The following IL1RAPL1 variants were observed in gnomAD, a reference collection of about 807,000 sequenced individuals.
IL1RAPL1 encodes the protein interleukin 1 receptor accessory protein like 1.
Under a neutral mutation model 48.4 loss-of-function variants are expected in IL1RAPL1, and 3 were observed. The ratio of observed to expected loss-of-function variants is 0.06; its 90% CI spans 0.03 to 0.16. The LOEUF (loss-of-function observed/expected upper bound fraction) is 0.16, where lower values mean the gene tolerates loss of function less well. Among genes scored for constraint, IL1RAPL1 ranks in the 10% least tolerant of loss-of-function variants. The pLI, the probability that IL1RAPL1 is intolerant of heterozygous loss-of-function variation, is 1.00. For missense variants in IL1RAPL1, 349 were observed against 530.6 expected (o/e 0.66, Z 3.36); for synonymous variants, 185 against 187.7 (o/e 0.99, Z 0.12).
intron 5 of IL1RAPL1, among the ~76,000 whole-genome samples, chrX:29,559,019 G>A (rs758262335): frequency 2.7e-5 from 3 of 111,984 alleles, no homozygotes; most frequent in East Asian, 5.6e-4. Context: ...AAAGTCCTTT[G>A]TAGTTACATA....
intron 5 of IL1RAPL1, among the ~76,000 whole-genome samples, chrX:29,655,705 G>A (rs916076361): frequency 6.9e-5 from 7 of 101,170 alleles, no homozygotes; most frequent in African/African-American, 2.2e-4. Flanking sequence ...AATATTTGAA[G>A]TATGTGACCA....
chrX:29,932,102 C>G, intron 8 of IL1RAPL1, among the ~76,000 whole-genome samples: 1 of 112,181 alleles, frequency 8.9e-6, no homozygotes, highest in South Asian at 3.7e-4. Context: ...TCTGTCTTCT[C>G]CCCATCATAC....
At chrX:29,260,584 T>C (rs1931837096) in intron 2 of IL1RAPL1, among the ~76,000 whole-genome samples, 1 of 111,583 alleles carries the variant, frequency 9.0e-6, no homozygotes, top group Non-Finnish European at 1.9e-5. Context: ...ACATGGGGAT[T>C]ATTACAATTC....
At chrX:29,695,692 A>T (rs937529065) in intron 6 of IL1RAPL1, among the ~76,000 whole-genome samples, 3 of 110,767 alleles carry the variant, frequency 2.7e-5, no homozygotes, top group Admixed American at 9.6e-5. Context: ...TGAAAGATTC[A>T]TCCTTACGTC....
chrX:28,869,887 A>G (rs1049039637), intron 2 of IL1RAPL1, among the ~76,000 whole-genome samples: 30 of 111,708 alleles, frequency 2.7e-4, no homozygotes, highest in African/African-American at 9.7e-4. Context: ...CACTATACCT[A>G]GGCAACCATT....
intron 2 of IL1RAPL1, among the ~76,000 whole-genome samples, chrX:29,150,659 C>T (rs1015585882): frequency 2.7e-5 from 3 of 110,298 alleles, no homozygotes; most frequent in Non-Finnish European, 5.7e-5. Flanking sequence ...CGCGGTGGCT[C>T]ACTCCTGTAA....
intron 6 of IL1RAPL1, among the ~76,000 whole-genome samples, chrX:29,845,898 G>A (rs957848279): frequency 1.8e-5 from 2 of 110,142 alleles, no homozygotes; most frequent in African/African-American, 6.6e-5. Context: ...GGGGGGAGGT[G>A]CCACACTTTT....
At chrX:29,640,369 T>G (rs1925129408) in intron 5 of IL1RAPL1, among the ~76,000 whole-genome samples, 1 of 111,895 alleles carries the variant, frequency 8.9e-6, no homozygotes, top group Admixed American at 9.5e-5. Flanking sequence ...CCCATGGCTT[T>G]AAATACTCTC....
At chrX:29,001,113 A>T (rs1369357844) in intron 2 of IL1RAPL1, among the ~76,000 whole-genome samples, 1 of 111,722 alleles carries the variant, frequency 9.0e-6, no homozygotes, top group Non-Finnish European at 1.9e-5. Context: ...TTTCTCCTTA[A>T]CAACAGTGTC....
In IL1RAPL1 at chrX:29,502,592, C is replaced by G. The variant is rs1034925145; in HGVS notation, c.703+103284C>G. ...TTGAAATGATCATGTGGTTTTTGTT[C>G]TCATGTCCTTGTATCGTATTTATTG... On this transcript the variant is annotated intron_variant, in intron 5 of 10. Transcript: ENST00000378993. 2.7e-5 allele frequency among the ~76,000 whole-genome samples: 3 copies of G among 110,536 alleles called. No individual in the cohort carries two copies. The East Asian group carries it at 8.6e-4, about 32-fold the overall frequency.
intron 2 of IL1RAPL1, among the ~76,000 whole-genome samples, chrX:28,925,049 TAACAC>T (rs1472578052): frequency 1.8e-5 from 2 of 111,386 alleles, no homozygotes; most frequent in African/African-American, 3.3e-5. Flanking sequence ...TTGAAAAACT[TAACAC>T]AATCCATGTA....
intron 6 of IL1RAPL1, among the ~76,000 whole-genome samples, chrX:29,814,770 A>G (rs1601837236): frequency 8.9e-6 from 1 of 112,360 alleles, no homozygotes; most frequent in African/African-American, 3.2e-5. Context: ...GGTGAAAAGT[A>G]GGGATCCAGT....
chrX:29,321,550 A>G (rs751918596), intron 3 of IL1RAPL1, among the ~76,000 whole-genome samples: 2 of 111,931 alleles, frequency 1.8e-5, no homozygotes, highest in East Asian at 2.8e-4. Context: ...ATGCAAATAT[A>G]TGTGTGTGTG....
chrX:28,590,869 A>T (rs1933901506), intron 1 of IL1RAPL1, among the ~76,000 whole-genome samples: 1 of 112,200 alleles, frequency 8.9e-6, no homozygotes, highest in Non-Finnish European at 1.9e-5. Context: ...GCAAATATAC[A>T]TATGTAATTG....
intron 2 of IL1RAPL1, among the ~76,000 whole-genome samples, chrX:29,279,059 A>G (rs1199062902): frequency 2.7e-5 from 3 of 112,438 alleles, no homozygotes; most frequent in Non-Finnish European, 5.6e-5. Context: ...AAGGAAAAAA[A>G]TATATCTCCT....
At chrX:29,031,674 A>G (rs1294218669) in intron 2 of IL1RAPL1, among the ~76,000 whole-genome samples, 2 of 111,894 alleles carry the variant, frequency 1.8e-5, no homozygotes. Context: ...GGTTTAAAAA[A>G]TTGAAATGCT....
chrX:29,770,373 T>C (rs138831331), intron 6 of IL1RAPL1, among the ~76,000 whole-genome samples: 1 of 111,464 alleles, frequency 9.0e-6, no homozygotes, highest in African/African-American at 3.3e-5. Context: ...TGTTTTTCAG[T>C]GTAAGGAAAA....
At chrX:28,975,244 C>T (rs914971742) in intron 2 of IL1RAPL1, among the ~76,000 whole-genome samples, 10 of 111,844 alleles carry the variant, frequency 8.9e-5, no homozygotes, top group Non-Finnish European at 1.9e-4. Flanking sequence ...TATCAGTGTA[C>T]TCCCTGCCCC....
chrX:28,616,812 T>G (rs1157087968), intron 1 of IL1RAPL1, among the ~76,000 whole-genome samples: 1 of 112,505 alleles, frequency 8.9e-6, no homozygotes, highest in African/African-American at 3.2e-5. Flanking sequence ...ATATCTAACT[T>G]TAATTGGAAT....
Sources: gnomAD v4.1 joint callset for allele counts (sites outside exome capture counted in the v4.1 genomes callset) on GRCh38, gnomAD v4.1.1 for gene constraint, MANE v1.5 for transcripts, NCBI Gene and HGNC (gene_info 2026-07-23, HGNC 2026-07-21) for gene names.